Variants in SLC35F4 observed in about 807,000 individuals in gnomAD.
SLC35F4 encodes the protein chromosome 14 open reading frame 36.
SLC35F4 carries 24 observed loss-of-function variants against 44.2 expected under a neutral mutation model. The ratio of observed to expected loss-of-function variants is 0.54; its 90% CI spans 0.39 to 0.76. The LOEUF (loss-of-function observed/expected upper bound fraction) is 0.76, where lower values mean the gene tolerates loss of function less well. Among genes scored for constraint, SLC35F4 ranks in the 30% least tolerant of loss-of-function variants. The pLI is 0.00. For missense variants in SLC35F4, 562 were observed against 586.1 expected, an observed-to-expected ratio of 0.96 and a Z score of 0.42; for synonymous variants, 238 against 223.6, an observed-to-expected ratio of 1.06 and a Z score of -0.57.
intron 1 of SLC35F4, among the ~76,000 whole-genome samples, chr14:57,731,982 C>A (rs988639212): frequency 2.4e-4 from 37 of 152,144 alleles, no homozygotes; most frequent in African/African-American, 8.7e-4. Context: ...AGCTTCAATT[C>A]CAAGATAAAA....
chr14:57,917,084 G>GCCCAGGCT (rs1169760254), intron 1 of SLC35F4, among the ~76,000 whole-genome samples: 1 of 152,018 alleles, frequency 6.6e-6, no homozygotes, highest in East Asian at 1.9e-4. Flanking sequence ...TTGCTCTATT[G>GCCCAGGCT]CCCAGGCTCC....
intron 1 of SLC35F4, among the ~76,000 whole-genome samples, chr14:57,601,700 TATCTTCTCTACTTGTAATCAACTTTGAA>T (rs1190552509): frequency 1.3e-5 from 2 of 152,206 alleles, no homozygotes; most frequent in African/African-American, 4.8e-5. Flanking sequence ...GAATACAATT[TATCTTCTCTACTTGTAATCAACTTTGAA>T]ATCAAAGGTT....
intron 1 of SLC35F4, among the ~76,000 whole-genome samples, chr14:57,751,324 T>C (rs1010642758): frequency 1.3e-5 from 2 of 152,106 alleles, no homozygotes; most frequent in Non-Finnish European, 2.9e-5. Flanking sequence ...TATCTCTACT[T>C]TAAAGATGAG....
chr14:57,726,672 A>T (rs10129902), intron 1 of SLC35F4, among the ~76,000 whole-genome samples: 1 of 151,886 alleles, frequency 6.6e-6, no homozygotes, highest in Non-Finnish European at 1.5e-5. Flanking sequence ...GTCTTTATTC[A>T]ATGATTATGT....
chr14:57,948,982 T>C (rs1416601467), intron 1 of SLC35F4, among the ~76,000 whole-genome samples: 3 of 152,164 alleles, frequency 2.0e-5, no homozygotes, highest in African/African-American at 7.2e-5. Flanking sequence ...GAATGTTCTA[T>C]GTGCTGATGA....
At position 57,565,910 on chromosome 14, in the gene SLC35F4, C is replaced by T. The variant is rs185461038; in HGVS notation, c.1216+565G>A. On this transcript the variant is annotated intron_variant, in intron 7 of 7. Coordinates refer to ENST00000556826, the MANE Select transcript of SLC35F4 (RefSeq NM_001306087.2). ...TTTAAAGTTAAAAGGACTGTACAAT[C>T]ATCCAGATAATCCATTTGCATTACT... Among the ~76,000 whole-genome samples the T allele has an allele frequency of 1.1e-3, 173 of 152,340 alleles. 2 individuals are homozygous for T. The South Asian group carries it at 0.012, about 10-fold the overall frequency.
intron 1 of SLC35F4, among the ~76,000 whole-genome samples, chr14:57,923,205 T>C (rs1371975160): frequency 2.0e-5 from 3 of 152,208 alleles, no homozygotes; most frequent in Non-Finnish European, 2.9e-5. Context: ...TCAAACACTT[T>C]CTCAAAGTGT....
chr14:57,877,674 C>CTTTTTTTTTTT lies in SLC35F4; in HGVS notation n.282+104228_282+104238dup, dbSNP rs139397949. The stretch of plus-strand genomic sequence containing the variant: ...CTTGCCAGCATCTGTTATTTTTTGA[C>CTTTTTTTTTTT]TTTTTTTTTTTTTTTTTTTTTTTTT... On this transcript the variant is annotated intron_variant and non_coding_transcript_variant, in intron 1 of 1. Coordinates refer to the SLC35F4 transcript ENST00000556568. Among the ~76,000 whole-genome samples the CTTTTTTTTTTT allele has an allele frequency of 9.5e-5, 5 of 52,422 alleles. 1 individual carries two copies. Among genetic ancestry groups the CTTTTTTTTTTT allele is most frequent in the Admixed American group, 2.3e-4 (1 of 4,406 alleles). 34.4% of individuals were successfully genotyped at this position (52,422 alleles called of 152,430 possible). A position where few individuals can be genotyped will look rare whatever the true frequency, so the allele number is the denominator to read the frequency against.
chr14:57,808,631 C>T (rs1371964849), intron 1 of SLC35F4, among the ~76,000 whole-genome samples: 2 of 149,484 alleles, frequency 1.3e-5, no homozygotes, highest in African/African-American at 5.1e-5. Flanking sequence ...GATCCCATTT[C>T]TATAAAAAAT....
rs1171739146 is a variant in SLC35F4 at position 57,750,109 on chromosome 14, AGC to A, written c.103+115612_103+115613del. Among the ~76,000 whole-genome samples the A allele has an allele frequency of 1.1e-3, 170 of 152,264 alleles. 1 individual carries two copies. Among genetic ancestry groups the A allele is most frequent in the African/African-American group, 3.9e-3 (161 of 41,554 alleles). On this transcript the variant is annotated intron_variant, in intron 1 of 7. Transcript: ENST00000556826. ...TCTATGGCCATATGTACACATTTTT[AGC>A]ACCCACTTAAGAGTGAAAACATGCG...
chr14:57,658,564 G>C (rs532166913), intron 1 of SLC35F4, among the ~76,000 whole-genome samples: 1 of 152,158 alleles, frequency 6.6e-6, no homozygotes, highest in African/African-American at 2.4e-5. Flanking sequence ...AATCTGTCAG[G>C]TTCCAAGGGA....
At chr14:57,682,450 T>A (rs1232769106) in intron 1 of SLC35F4, among the ~76,000 whole-genome samples, 1 of 151,836 alleles carries the variant, frequency 6.6e-6, no homozygotes, top group East Asian at 1.9e-4. Context: ...ACAATGAGAA[T>A]ATATGGACAC....
rs952594635 is a variant in SLC35F4, at chr14:57,709,192, G to A, written c.104-115068C>T. ...CAGGGAAAGGGAGACTCCCTTTCCT[G>A]GTCTGCTAAGTAGCAGGTGTTTTTC... On this transcript the variant is annotated intron_variant, in intron 1 of 7. Transcript: ENST00000556826. Among the ~76,000 whole-genome samples the A allele has an allele frequency of 8.6e-5, 13 of 152,026 alleles. No homozygotes were observed. The South Asian group carries it at 1.5e-3, about 17-fold the overall frequency.
intron 1 of SLC35F4, among the ~76,000 whole-genome samples, chr14:57,695,824 T>C (rs997835043): frequency 1.3e-5 from 2 of 152,306 alleles, no homozygotes; most frequent in Admixed American, 6.5e-5. Context: ...ATATACACCA[T>C]GAAATACTAT....
At chr14:57,981,039 C>T (rs1250380732) in intron 1 of SLC35F4, among the ~76,000 whole-genome samples, 2 of 152,148 alleles carry the variant, frequency 1.3e-5, no homozygotes, top group Admixed American at 6.5e-5. Flanking sequence ...AAGAAGGATT[C>T]GCCTCTATTC....
intron 1 of SLC35F4, among the ~76,000 whole-genome samples, chr14:57,689,725 C>T (rs1187260711): frequency 4.1e-5 from 5 of 122,524 alleles, no homozygotes; most frequent in Admixed American, 2.9e-4. Context: ...CATCACACAC[C>T]GGGGCCTGTT....
chr14:57,572,336 T>C (rs1411568929), intron 4 of SLC35F4, among the ~76,000 whole-genome samples: 1 of 152,160 alleles, frequency 6.6e-6, no homozygotes, highest in African/African-American at 2.4e-5. Flanking sequence ...TTTGTACTGG[T>C]GAAATAAATT....
chr14:57,608,299 T>C (rs2071284684), intron 1 of SLC35F4, among the ~76,000 whole-genome samples: 1 of 152,022 alleles, frequency 6.6e-6, no homozygotes, highest in Admixed American at 6.6e-5. Context: ...TTTACAGAGG[T>C]GATCAAATTA....
intron 4 of SLC35F4, among the ~76,000 whole-genome samples, chr14:57,576,590 T>C (rs1029891547): frequency 3.3e-5 from 5 of 152,040 alleles, no homozygotes; most frequent in African/African-American, 1.2e-4. Flanking sequence ...TGGAAAACTT[T>C]CTTTTTTACT....
Sources: gnomAD v4.1 joint callset for allele counts (sites outside exome capture counted in the v4.1 genomes callset) on GRCh38, gnomAD v4.1.1 for gene constraint, MANE v1.5 for transcripts, NCBI Gene and HGNC (gene_info 2026-07-23, HGNC 2026-07-21) for gene names.